The following CIP2A variants were observed in gnomAD, a reference collection of about 807,000 sequenced individuals.
CIP2A encodes protein CIP2A.
In CIP2A, 103 loss-of-function variants were observed where a neutral mutation model predicts 110.9. That is an observed-to-expected ratio of 0.93 (90% confidence interval 0.79 to 1.09). The LOEUF (loss-of-function observed/expected upper bound fraction) is 1.09, where lower values mean the gene tolerates loss of function less well. Among genes scored for constraint, CIP2A ranks in the 50% least tolerant of loss-of-function variants. The pLI, the probability that CIP2A is intolerant of heterozygous loss-of-function variation, is 0.00. For missense variants in CIP2A, 1,088 were observed against 1,038.4 expected (o/e 1.05, Z -0.66); for synonymous variants, 381 against 361.6 (o/e 1.05, Z -0.61).
At chr3:108,557,504 T>A in intron 16 of CIP2A, 90 bp from the exon 17 acceptor site, 1 of 962,722 alleles carries the variant, frequency 1.0e-6, no homozygotes, top group Non-Finnish European at 1.5e-6. Context: ...ACTAAGTATC[T>A]AATAAGCTGG....
intron 12 of CIP2A, 114 bp from the exon 13 acceptor site, chr3:108,563,358 T>C (rs1938073299): frequency 1.2e-5 from 8 of 690,854 alleles, no homozygotes; most frequent in South Asian, 1.1e-4. Flanking sequence ...AATTCTAAAA[T>C]GTTTCTAATG....
chr3:108,552,233 C>T lies in CIP2A; in HGVS notation c.2547+1G>A. 1 of 1,555,592 alleles carries T rather than the reference C, an allele frequency of 6.4e-7. No homozygotes were observed. The highest frequency in any genetic ancestry group is 8.6e-7 in the Non-Finnish European group (1 of 1,157,142). On this transcript the variant is annotated splice_donor_variant, in intron 20 of 20. Coordinates refer to ENST00000295746, the MANE Select transcript of CIP2A (RefSeq NM_020890.3). LOFTEE classifies it high-confidence loss of function. The stretch of plus-strand genomic sequence containing the variant: ...AAATGAGAAATGGAACAGATTCTTA[C>T]CTTAATGCTCAACTCTTTTCTTATC...
Position 108,565,336 on chromosome 3 carries a change from T to C in CIP2A, c.1515+19A>G, listed in dbSNP as rs765681299. 8.0e-7 allele frequency: 1 copy of C among 1,252,416 alleles called. No homozygotes were observed. Among genetic ancestry groups the C allele is most frequent in the Non-Finnish European group, 1.1e-6 (1 of 872,766 alleles). The allele number at this position is 1,252,416 out of a possible 1,614,324, so 77.6% of individuals were successfully genotyped here. A position where few individuals can be genotyped will look rare whatever the true frequency, so the allele number is the denominator to read the frequency against. On this transcript the variant is annotated intron_variant, in intron 12 of 20. Transcript: ENST00000295746. ...TTTATGTATGAATAAACTTCAATGT[T>C]TGAAGAGTTTAAACTCACCTGAAGT...
intron 8 of CIP2A, among the ~76,000 whole-genome samples, chr3:108,575,416 A>G (rs868377938): frequency 6.7e-6 from 1 of 148,732 alleles, no homozygotes; most frequent in Non-Finnish European, 1.5e-5. Context: ...GTATGTATAC[A>G]TATACATGTA....
rs1312038857 is a variant in CIP2A at position 108,559,987 on chromosome 3, C to T, written c.1869G>A (p.Met623Ile). The change falls in exon 15 of 21, where the codon ATG (methionine) becomes ATA (isoleucine). Residue 623 changes from methionine to isoleucine, a missense_variant. By Grantham distance (10) the Met-to-Ile change is conservative. Coordinates refer to ENST00000295746, the MANE Select transcript of CIP2A (RefSeq NM_020890.3). Reference sequence around the variant, plus strand: ...TGGATAGTTTCATTTCATATACATCCATTATGTCAGATATTCTCACATCAC... The same window carrying T: ...TGGATAGTTTCATTTCATATACATCTATTATGTCAGATATTCTCACATCAC... The part of the protein sequence containing the change: ...QICDVRISDI[M>I]DVYEMKLSTL... 1 of 1,602,978 alleles carries T rather than the reference C, an allele frequency of 6.2e-7. No individual in the cohort carries two copies. The highest frequency in any genetic ancestry group is 8.5e-7 in the Non-Finnish European group (1 of 1,171,870).
Position 108,585,399 on chromosome 3 carries a change from A to C in CIP2A, c.103-187T>G, listed in dbSNP as rs142938701. 6.6e-3 allele frequency among the ~76,000 whole-genome samples: 1,012 copies of C among 152,222 alleles called. 12 individuals carry two copies. The highest frequency in any genetic ancestry group is 0.023 in the African/African-American group (968 of 41,556). On this transcript the variant is annotated intron_variant, in intron 1 of 20. Transcript: ENST00000295746. ...TCAATTACCTAATCCCTCCCTCCCT[A>C]GCTAAAGTAATCATTTGGATCTCAG...
chr3:108,587,618 C>T (rs1375164042), intron 1 of CIP2A, among the ~76,000 whole-genome samples: 2 of 152,140 alleles, frequency 1.3e-5, no homozygotes, highest in African/African-American at 4.8e-5. Flanking sequence ...ACTTTATGCT[C>T]TGTATGTATT....
At position 108,585,083 on chromosome 3, in the gene CIP2A, C is replaced by T. The variant is rs368646955; in HGVS notation, c.232G>A (p.Gly78Ser). 7 of 1,610,830 alleles carry T rather than the reference C, an allele frequency of 4.3e-6. No homozygotes were observed. Among genetic ancestry groups the T allele is most frequent in the Non-Finnish European group, 5.1e-6 (6 of 1,178,514 alleles). Residue 78 changes from glycine to serine, a missense_variant, in exon 2 of 21, where the codon GGT becomes AGT. Transcript: ENST00000295746. ...GCATTACCTAGTTGAGACAGCAAAC[C>T]GATAATACTTAAGATCAGTGAAGCA... The part of the protein sequence containing the change: ...ISASLILSII[G>S]LLSQLAVDIE...
chr3:108,554,345 C>T (rs1216841782), intron 18 of CIP2A, 31 bp downstream of exon 18: 6 of 878,990 alleles, frequency 6.8e-6, no homozygotes, highest in Non-Finnish European at 1.1e-5. Flanking sequence ...AAAAATCCCA[C>T]ATATTCAGAA....
intron 12 of CIP2A, 73 bp downstream of exon 12, chr3:108,565,259 AATTATCTTCTAAAGATTAAGAAT>A: frequency 1.5e-6 from 1 of 652,084 alleles, no homozygotes; most frequent in East Asian, 3.1e-5. Flanking sequence ...ATTCTAAGAG[AATTATCTTCTAAAGATTAAGAAT>A]ATTAAAACAG....
chr3:108,577,160 A>G (rs1455780308), intron 7 of CIP2A, among the ~76,000 whole-genome samples: 1 of 152,198 alleles, frequency 6.6e-6, no homozygotes, highest in Non-Finnish European at 1.5e-5. Context: ...ATTGTCTGAT[A>G]TTAGACAAAA....
intron 3 of CIP2A, 96 bp downstream of exon 3, chr3:108,582,881 A>C: frequency 1.8e-6 from 1 of 543,410 alleles, no homozygotes; most frequent in African/African-American, 2.0e-5. Context: ...TTTATTATAT[A>C]GCATATATAC....
chr3:108,575,552 G>A (rs1240116547), intron 8 of CIP2A, among the ~76,000 whole-genome samples: 4 of 147,090 alleles, frequency 2.7e-5, no homozygotes, highest in East Asian at 2.0e-4. Flanking sequence ...ATATACATGT[G>A]TATATATACG....
chr3:108,552,234 C>T lies in CIP2A; in HGVS notation c.2547G>A (p.Lys849=). 1 of 1,554,756 alleles carries T rather than the reference C, an allele frequency of 6.4e-7. No individual in the cohort carries two copies. Among genetic ancestry groups the T allele is most frequent in the South Asian group, 1.2e-5 (1 of 80,158 alleles). ...AATGAGAAATGGAACAGATTCTTAC[C>T]TTAATGCTCAACTCTTTTCTTATCT... ...TEQIRKELSI[K]ASSLEVQKAQ... Residue 849 remains lysine (K), a splice_region_variant and synonymous_variant, in exon 20 of 21, where the codon AAG becomes AAA. Transcript: ENST00000295746.
At chr3:108,573,067 C>G (rs903277226) in intron 8 of CIP2A, among the ~76,000 whole-genome samples, 2 of 151,754 alleles carry the variant, frequency 1.3e-5, no homozygotes, top group African/African-American at 4.8e-5. Flanking sequence ...TGTAATTTTT[C>G]TGCTTTTTTG....
intron 17 of CIP2A, among the ~76,000 whole-genome samples, chr3:108,554,748 T>C (rs369539565): frequency 6.6e-6 from 1 of 152,220 alleles, no homozygotes; most frequent in South Asian, 2.1e-4. Context: ...TTTATGGATA[T>C]AAAGCCTTAT....
At position 108,556,154 on chromosome 3, in the gene CIP2A, T is replaced by TA. The variant is rs1937795364; in HGVS notation, c.2210+1063dup. ...AAAGTTGCTGGGGTAAATATCCTGT[T>TA]AAAAAATCACTTTGTCATCATTTTC... On this transcript the variant is annotated intron_variant, in intron 17 of 20. Coordinates refer to ENST00000295746, the MANE Select transcript of CIP2A (RefSeq NM_020890.3). Among the ~76,000 whole-genome samples the TA allele has an allele frequency of 6.6e-5, 10 of 152,262 alleles. 1 individual carries two copies. The South Asian group carries it at 1.9e-3, about 28-fold the overall frequency.
intron 7 of CIP2A, among the ~76,000 whole-genome samples, chr3:108,578,640 T>A (rs903014766): frequency 2.0e-5 from 3 of 152,190 alleles, no homozygotes; most frequent in Non-Finnish European, 2.9e-5. Flanking sequence ...CAATTTCAAT[T>A]ATTTCCTAAT....
intron 11 of CIP2A, 36 bp from the exon 12 acceptor site, chr3:108,565,490 A>T (rs370605567): frequency 1.5e-5 from 18 of 1,185,046 alleles, no homozygotes; most frequent in Non-Finnish European, 2.2e-5. Flanking sequence ...TAGATAACTG[A>T]AAAATTTCTT....
Sources: gnomAD v4.1 joint callset for allele counts (sites outside exome capture counted in the v4.1 genomes callset) on GRCh38, gnomAD v4.1.1 for gene constraint, MANE v1.5 for transcripts, NCBI Gene and HGNC (gene_info 2026-07-23, HGNC 2026-07-21) for gene names.